Variants in CPT1A observed in about 807,000 individuals in gnomAD.
The protein encoded by CPT1A is carnitine O-palmitoyltransferase 1, liver isoform.
Under a neutral mutation model 100.8 loss-of-function variants are expected in CPT1A, and 64 were observed. The ratio of observed to expected loss-of-function variants is 0.63; its 90% CI spans 0.52 to 0.78. The LOEUF (loss-of-function observed/expected upper bound fraction) is 0.78. CPT1A is among the 30% of genes least tolerant of loss of function. The probability of loss-of-function intolerance (pLI) is 0.00; values close to 1 mark genes in which losing one functional copy is unlikely to be tolerated. For missense variants in CPT1A, 802 were observed against 1,034.1 expected, an observed-to-expected ratio of 0.78 and a Z score of 3.08; for synonymous variants, 363 against 396.0, an observed-to-expected ratio of 0.92 and a Z score of 0.99.
chr11:68,760,855 TACA>T, intron 16 of CPT1A, among the ~76,000 whole-genome samples: 1 of 145,244 alleles, frequency 6.9e-6, no homozygotes, highest in Admixed American at 6.9e-5. Context: ...TCTACTAAAA[TACA>T]ACAACAAAAA....
At position 68,793,323 on chromosome 11, in the gene CPT1A, T is replaced by C. The variant is rs1229097082; in HGVS notation, c.959A>G (p.Glu320Gly). Residue 320 changes from glutamate to glycine, a missense_variant, in exon 9 of 19, where the codon GAG becomes GGG. Around this residue, in one of 4 missense-constraint regions of CPT1A, gnomAD observed 627 missense variants for 799.3 expected, o/e 0.78. Transcript: ENST00000265641. ...RMFNTSRIPG[E>G]ETDTIQHMRD... The stretch of plus-strand genomic sequence containing the variant: ...GAAGAAGCTTGACTCACCTGTCTCC[T>C]CTCCTGGGATCCGGGAAGTATTAAA... 1 of 1,610,192 alleles carries C rather than the reference T, an allele frequency of 6.2e-7. No homozygotes were observed. The highest frequency in any genetic ancestry group is 1.7e-5 in the Admixed American group (1 of 59,734).
intron 1 of CPT1A, among the ~76,000 whole-genome samples, chr11:68,817,369 C>T (rs548599792): frequency 7.2e-5 from 11 of 152,252 alleles, no homozygotes; most frequent in Middle Eastern, 3.4e-3. Context: ...GAAAGGCACC[C>T]GACTTCAGAC....
At position 68,781,934 on chromosome 11, in the gene CPT1A, C is replaced by T; in HGVS notation, c.1189G>A (p.Ala397Thr). The change falls in exon 11 of 19, where the codon GCC (alanine) becomes ACC (threonine). Residue 397 changes from alanine (A) to threonine (T), a missense_variant. Physicochemically the swap from Ala to Thr is moderately conservative, Grantham distance 58. Coordinates refer to ENST00000265641, the MANE Select transcript of CPT1A (RefSeq NM_001876.4). ...DRVPWARCRQ[A>T]YFGRGKNKQS... ...TTATTTTTCCCACGTCCAAAATAGGCCTGACGACACCTGGCCCAGGGAACT... is the reference window on the plus strand; with the variant it reads ...TTATTTTTCCCACGTCCAAAATAGGTCTGACGACACCTGGCCCAGGGAACT... 1.9e-6 allele frequency: 3 copies of T among 1,614,206 alleles called. No homozygotes were observed. The highest frequency in any genetic ancestry group is 2.2e-5 in the South Asian group (2 of 91,084).
rs188446099 is a variant in CPT1A at position 68,798,578 on chromosome 11, G to A, written c.693+640C>T. Reference sequence around the variant, plus strand: ...CCGCACACAGGGTGCCAGCTAAGACGCTTCGTTGGAGGAGATGCTCCTGGG... The same window carrying A: ...CCGCACACAGGGTGCCAGCTAAGACACTTCGTTGGAGGAGATGCTCCTGGG... On this transcript the variant is annotated intron_variant, in intron 6 of 18. Coordinates refer to ENST00000265641, the MANE Select transcript of CPT1A (RefSeq NM_001876.4). Among the ~76,000 whole-genome samples the A allele has an allele frequency of 7.9e-4, 120 of 152,192 alleles. 2 individuals are homozygous for A. Among genetic ancestry groups the A allele is most frequent in the South Asian group, 3.1e-3 (15 of 4,808 alleles).
chr11:68,815,316 C>T lies in CPT1A; in HGVS notation c.141+18G>A. ...ATTAAAAGGCATACTGTGTAGATTT[C>T]AACAAATCTCAGAAAACCTTGAATC... On this transcript the variant is annotated intron_variant, in intron 2 of 18. Coordinates refer to ENST00000265641, the MANE Select transcript of CPT1A (RefSeq NM_001876.4). 1 of 1,612,986 alleles carries T rather than the reference C, an allele frequency of 6.2e-7. No individual in the cohort carries two copies. Among genetic ancestry groups the T allele is most frequent in the Non-Finnish European group, 8.5e-7 (1 of 1,179,378 alleles).
At chr11:68,806,884 C>G (rs1466007560) in intron 4 of CPT1A, among the ~76,000 whole-genome samples, 1 of 151,966 alleles carries the variant, frequency 6.6e-6, no homozygotes, top group Non-Finnish European at 1.5e-5. Context: ...GAGCTGAGAT[C>G]ACACCACTGC....
rs754110528 is a variant in CPT1A at position 68,781,922 on chromosome 11, G to A, written c.1201C>T (p.Arg401Cys). The A allele has an allele frequency of 1.1e-5, 17 of 1,614,110 alleles. No homozygotes were observed. Among genetic ancestry groups the A allele is most frequent in the Admixed American group, 1.7e-5 (1 of 60,012 alleles). ...WARCRQAYFG[R>C]GKNKQSLDAV... ...TCAAGAGACTGCTTATTTTTCCCAC[G>A]TCCAAAATAGGCCTGACGACACCTG... The change falls in exon 11 of 19, where the codon CGT (arginine) becomes TGT (cysteine). Residue 401 changes from arginine to cysteine, a missense_variant. Transcript: ENST00000265641.
intron 1 of CPT1A, among the ~76,000 whole-genome samples, chr11:68,836,603 C>T (rs1329148459): frequency 6.6e-6 from 1 of 152,028 alleles, no homozygotes; most frequent in Admixed American, 6.6e-5. Flanking sequence ...TGAAACTCAT[C>T]TCTACTAAAA....
chr11:68,842,847 G>C (rs1354511300), upstream of CPT1A, among the ~76,000 whole-genome samples: 1 of 152,140 alleles, frequency 6.6e-6, no homozygotes, highest in Non-Finnish European at 1.5e-5. Flanking sequence ...AGGGCCAAGG[G>C]GGTCTTCCTG....
intron 1 of CPT1A, among the ~76,000 whole-genome samples, chr11:68,821,111 C>T (rs544673818): frequency 2.0e-5 from 3 of 152,192 alleles, no homozygotes; most frequent in Non-Finnish European, 4.4e-5. Flanking sequence ...GCTGGGACTA[C>T]AGGCATGTGC....
chr11:68,817,071 T>G (rs1480881359), intron 1 of CPT1A, among the ~76,000 whole-genome samples: 15 of 111,118 alleles, frequency 1.3e-4, no homozygotes, highest in African/African-American at 2.3e-4. Flanking sequence ...TGGGTGTGTG[T>G]GGGTGCGTGT....
chr11:68,798,583 G>A lies in CPT1A; in HGVS notation c.693+635C>T, dbSNP rs192445216. Reference sequence around the variant, plus strand: ...CACAGGGTGCCAGCTAAGACGCTTCGTTGGAGGAGATGCTCCTGGGACCAC... The same window carrying A: ...CACAGGGTGCCAGCTAAGACGCTTCATTGGAGGAGATGCTCCTGGGACCAC... On this transcript the variant is annotated intron_variant, in intron 6 of 18. Transcript: ENST00000265641. Among the ~76,000 whole-genome samples, 491 of 151,904 alleles carry A rather than the reference G, an allele frequency of 3.2e-3. 3 individuals are homozygous for A. The highest frequency in any genetic ancestry group is 0.011 in the African/African-American group (474 of 41,416).
intron 1 of CPT1A, among the ~76,000 whole-genome samples, chr11:68,840,297 G>T (rs1857127163): frequency 6.6e-6 from 1 of 152,134 alleles, no homozygotes; most frequent in South Asian, 2.1e-4. Context: ...AAGGCCCGGG[G>T]GTGGGGGTGC....
chr11:68,768,406 T>C (rs1854886218), intron 14 of CPT1A, among the ~76,000 whole-genome samples: 1 of 151,796 alleles, frequency 6.6e-6, no homozygotes, highest in Non-Finnish European at 1.5e-5. Flanking sequence ...TTTCTTCTTC[T>C]TCTTTTTTTA....
Position 68,757,440 on chromosome 11 carries a change from A to T in CPT1A, c.*204T>A, listed in dbSNP as rs950269147. On this transcript the variant is annotated 3_prime_UTR_variant, in exon 19 of 19. Transcript: ENST00000265641. ...GACTTTATCAGATGTCCCCCAAGGG[A>T]GGGCAAGTCTGGAAGTAGTGGGGTT... The T allele has an allele frequency of 6.3e-6, 9 of 1,439,698 alleles. No individual in the cohort carries two copies. The Admixed American group carries it at 2.4e-4, about 39-fold the overall frequency. The allele number at this position is 1,439,698 out of a possible 1,614,324, so 89.2% of individuals were successfully genotyped here.
chr11:68,816,028 C>T (rs1348829149), intron 1 of CPT1A, among the ~76,000 whole-genome samples: 2 of 151,442 alleles, frequency 1.3e-5, no homozygotes, highest in African/African-American at 4.9e-5. Context: ...CCCGGAACCA[C>T]GCCTCCAAGC....
chr11:68,821,185 T>C (rs1263584347), intron 1 of CPT1A, among the ~76,000 whole-genome samples: 1 of 152,116 alleles, frequency 6.6e-6, no homozygotes, highest in Admixed American at 6.6e-5. Context: ...GGAGTTTTGC[T>C]CTTGTTGCCC....
At chr11:68,787,529 C>G (rs1432444205) in intron 9 of CPT1A, among the ~76,000 whole-genome samples, 2 of 152,136 alleles carry the variant, frequency 1.3e-5, no homozygotes, top group African/African-American at 4.8e-5. Context: ...TGTGTCCCCC[C>G]ATTCATATAT....
intron 12 of CPT1A, 116 bp downstream of exon 12, chr11:68,780,524 T>C (rs1352571771): frequency 9.9e-6 from 8 of 811,176 alleles, no homozygotes; most frequent in African/African-American, 1.7e-5. Flanking sequence ...CCTCAGGTGA[T>C]CTGCCCGCCT....
Sources: gnomAD v4.1 joint callset for allele counts (sites outside exome capture counted in the v4.1 genomes callset) on GRCh38, gnomAD v4.1.1 for gene constraint, gnomAD v4.1.1 regional missense constraint, MANE v1.5 for transcripts, NCBI Gene and HGNC (gene_info 2026-07-23, HGNC 2026-07-21) for gene names.